Variants in KLHL36 observed in about 807,000 individuals in gnomAD.
KLHL36 encodes kelch like family member 36, also known as kelch-like protein 36.
A neutral mutation model predicts 53.3 loss-of-function variants in KLHL36; 35 were observed. The ratio of observed to expected loss-of-function variants is 0.66; its 90% CI spans 0.50 to 0.87. The LOEUF is 0.87. Ranked by LOEUF, KLHL36 falls within the 40% of genes least tolerant of loss-of-function variation. KLHL36 has a pLI of 0.00. For missense variants in KLHL36, 864 were observed against 897.6 expected, an observed-to-expected ratio of 0.96 and a Z score of 0.48; for synonymous variants, 472 against 398.9, an observed-to-expected ratio of 1.18 and a Z score of -2.18.
Position 84,666,461 on chromosome 16 carries a change from C to G in KLHL36, c.*4328C>G, listed in dbSNP as rs5009530. On this transcript the variant is annotated 3_prime_UTR_variant, in exon 5 of 5. Coordinates refer to ENST00000564996, the MANE Select transcript of KLHL36 (RefSeq NM_024731.4). ...TTTGCCAAGAGGAAACCTTAACCCC[C>G]CTGAGAGGGTCTGCGTTTCTTCTAG... 2 of 152,132 alleles carry G rather than the reference C, an allele frequency of 1.3e-5. No homozygotes were observed. The highest frequency in any genetic ancestry group is 2.9e-5 in the Non-Finnish European group (2 of 68,056). 9.4% of individuals were successfully genotyped at this position (152,132 alleles called of 1,614,324 possible).
rs1907814871 is a variant in KLHL36, at chr16:84,666,022, G to A, written c.*3889G>A. 1 of 152,312 alleles carries A rather than the reference G, an allele frequency of 6.6e-6. No individual in the cohort carries two copies. Among genetic ancestry groups the A allele is most frequent in the South Asian group, 2.1e-4 (1 of 4,824 alleles). 9.4% of individuals were successfully genotyped at this position (152,312 alleles called of 1,614,324 possible). On this transcript the variant is annotated 3_prime_UTR_variant, in exon 5 of 5. Coordinates refer to ENST00000564996, the MANE Select transcript of KLHL36 (RefSeq NM_024731.4). ...CTGCAGATGAGGTTTAGACCTCCTG[G>A]TGTCTCCGTGGATTCTGAGTGCCCA...
chr16:84,651,191 A>G (rs573209704), intron 2 of KLHL36, among the ~76,000 whole-genome samples: 3 of 152,216 alleles, frequency 2.0e-5, no homozygotes, highest in African/African-American at 7.2e-5. Flanking sequence ...TTTTGTGACA[A>G]CTTGACTCAT....
At position 84,661,301 on chromosome 16, in the gene KLHL36, T is replaced by G. The variant is rs1213292865; in HGVS notation, c.1296-277T>G. ...GTGAAAAGGGTGATGGTCCTGTGAT[T>G]ATTCCCATTTCCCAGATGGGGCAAG... is the stretch of plus-strand genomic sequence containing the variant. On this transcript the variant is annotated intron_variant, in intron 4 of 4. Transcript: ENST00000564996. The surrounding 1 kb of genome is among the most constrained non-coding windows in gnomAD (Gnocchi z 7.9). Among the ~76,000 whole-genome samples, 1 of 152,210 alleles carries G rather than the reference T, an allele frequency of 6.6e-6. No individual in the cohort carries two copies. The highest frequency in any genetic ancestry group is 2.4e-5 in the African/African-American group (1 of 41,454).
Position 84,648,873 on chromosome 16 carries a change from C to A in KLHL36, c.-17+224C>A. The stretch of plus-strand genomic sequence containing the variant: ...ACACAGGTGCGGCCTGTGCGGACCG[C>A]CCCGCGCGTGGCAGGTGAGTGGCCC... On this transcript the variant is annotated intron_variant, in intron 1 of 4. Transcript: ENST00000564996. This position sits in a 1 kb window ranked among gnomAD's most constrained non-coding sequence, Gnocchi z 4.9. 1 of 151,700 alleles carries A rather than the reference C, an allele frequency of 6.6e-6. No homozygotes were observed. Among genetic ancestry groups the A allele is most frequent in the South Asian group, 2.1e-4 (1 of 4,832 alleles). 9.4% of individuals were successfully genotyped at this position (151,700 alleles called of 1,614,324 possible).
chr16:84,663,616 AG>A lies in KLHL36; in HGVS notation c.*1484del, dbSNP rs1202121222. The A allele has an allele frequency of 2.0e-5, 3 of 152,282 alleles. No homozygotes were observed. The highest frequency in any genetic ancestry group is 3.4e-3 in the Middle Eastern group (1 of 294). The allele number at this position is 152,282 out of a possible 1,614,324, so 9.4% of individuals were successfully genotyped here. On this transcript the variant is annotated 3_prime_UTR_variant, in exon 5 of 5. Transcript: ENST00000564996. ...GTCTAACACCAGTCTTCCTGCAGACAGTTCCGAGAGCAGGTCTCGATGTCAC... is the reference window on the plus strand; with the variant it reads ...GTCTAACACCAGTCTTCCTGCAGACATTCCGAGAGCAGGTCTCGATGTCAC...
rs2150729880 is a variant in KLHL36 at position 84,662,287 on chromosome 16, A to G, written c.*154A>G. ...GTATTTCTATGATATCACAGTAACC[A>G]ATTAAATACTATCTGTAACTTTACA... On this transcript the variant is annotated 3_prime_UTR_variant, in exon 5 of 5. Coordinates refer to ENST00000564996, the MANE Select transcript of KLHL36 (RefSeq NM_024731.4). The G allele has an allele frequency of 4.3e-6, 3 of 692,998 alleles. No individual in the cohort carries two copies. In the East Asian group the frequency reaches 8.3e-5, roughly 19 times the overall value. The allele number at this position is 692,998 out of a possible 1,614,324, so 42.9% of individuals were successfully genotyped here.
At chr16:84,655,960 A>G (rs1464370162) in intron 2 of KLHL36, among the ~76,000 whole-genome samples, 1 of 150,058 alleles carries the variant, frequency 6.7e-6, no homozygotes, top group Non-Finnish European at 1.5e-5. Context: ...TGGCACAATC[A>G]TGGCTCACTG....
Position 84,657,382 on chromosome 16 carries a change from A to G in KLHL36, c.575A>G (p.Lys192Arg). The G allele has an allele frequency of 1.2e-6, 2 of 1,609,912 alleles. No homozygotes were observed. Among genetic ancestry groups the G allele is most frequent in the Non-Finnish European group, 1.7e-6 (2 of 1,180,002 alleles). The change falls in exon 3 of 5, where the codon AAG becomes AGG. Residue 192 changes from lysine to arginine, a missense_variant. Coordinates refer to ENST00000564996, the MANE Select transcript of KLHL36 (RefSeq NM_024731.4). ...PDFLQNVSMQKLCVYLSSSEV... is the reference protein window; with the variant it reads ...PDFLQNVSMQRLCVYLSSSEV... ...TTCCTGCAGAACGTCTCCATGCAGA[A>G]GCTGTGTGTCTACCTGAGCAGCAGC...
In KLHL36 at chr16:84,661,215, G is replaced by A. The variant is rs897110691; in HGVS notation, c.1296-363G>A. Among the ~76,000 whole-genome samples the A allele has an allele frequency of 1.3e-5, 2 of 152,190 alleles. No individual in the cohort carries two copies. Among genetic ancestry groups the A allele is most frequent in the African/African-American group, 4.8e-5 (2 of 41,448 alleles). On this transcript the variant is annotated intron_variant, in intron 4 of 4. Coordinates refer to ENST00000564996, the MANE Select transcript of KLHL36 (RefSeq NM_024731.4). The surrounding 1 kb of genome is among the most constrained non-coding windows in gnomAD (Gnocchi z 7.9). ...CTGTATGTCGTATTTCCTCTTTGAT[G>A]TGTGATTCATCGGGTGCATGTGTGC...
chr16:84,651,361 G>C (rs563450355), intron 2 of KLHL36, among the ~76,000 whole-genome samples: 1 of 152,092 alleles, frequency 6.6e-6, no homozygotes, highest in South Asian at 2.1e-4. Context: ...GCCTGGAGTC[G>C]TCTTCCCTGG....
In KLHL36 at chr16:84,657,622, G is replaced by A. The variant is rs541455451; in HGVS notation, c.815G>A (p.Arg272His). Residue 272 changes from arginine (R) to histidine (H), a missense_variant, in exon 3 of 5, where the codon CGC becomes CAC. Coordinates refer to ENST00000564996, the MANE Select transcript of KLHL36 (RefSeq NM_024731.4). The stretch of plus-strand genomic sequence containing the variant: ...GAGGGCTTCATCGAGGAGGCCGTGC[G>A]CTACCACAACAACCTGGCGGCCCAG... ...NCEGFIEEAV[R>H]YHNNLAAQPV... The A allele has an allele frequency of 1.9e-5, 31 of 1,611,550 alleles. No homozygotes were observed. The Admixed American group carries it at 2.0e-4, about 10-fold the overall frequency.
chr16:84,658,639 G>C (rs1185842838), intron 3 of KLHL36: 1 of 152,256 alleles, frequency 6.6e-6, no homozygotes, highest in African/African-American at 2.4e-5. Flanking sequence ...AATACGTGGG[G>C]GACAGGGAGT....
intron 3 of KLHL36, 158 bp downstream of exon 3, chr16:84,658,102 A>C (rs2150725860): frequency 3.4e-6 from 2 of 594,404 alleles, no homozygotes; most frequent in Non-Finnish European, 5.6e-6. Context: ...CGGGGCCTAC[A>C]TCCTGGACAG....
chr16:84,659,138 A>T (rs1907395726), intron 3 of KLHL36: 1 of 152,196 alleles, frequency 6.6e-6, no homozygotes, highest in Non-Finnish European at 1.5e-5. Flanking sequence ...AGTAGCTGGA[A>T]TTACAGGCGC....
At chr16:84,651,567 A>G (rs1906882840) in intron 2 of KLHL36, among the ~76,000 whole-genome samples, 1 of 152,208 alleles carries the variant, frequency 6.6e-6, no homozygotes, top group African/African-American at 2.4e-5. Flanking sequence ...AGCCATTGGT[A>G]TGAGGTTCCT....
chr16:84,664,341 G>GT lies in KLHL36; in HGVS notation c.*2209dup, dbSNP rs2150731546. ...TGGGGAGAGCACATAGAAAGACTCTGTGAGTGATTTGGGGAGTGGGATAGC... is the reference window on the plus strand; with the variant it reads ...TGGGGAGAGCACATAGAAAGACTCTGTTGAGTGATTTGGGGAGTGGGATAGC... On this transcript the variant is annotated 3_prime_UTR_variant, in exon 5 of 5. Transcript: ENST00000564996. 1 of 152,338 alleles carries GT rather than the reference G, an allele frequency of 6.6e-6. No individual in the cohort carries two copies. The highest frequency in any genetic ancestry group is 1.9e-4 in the East Asian group (1 of 5,180). 9.4% of individuals were successfully genotyped at this position (152,338 alleles called of 1,614,324 possible). A position where few individuals can be genotyped will look rare whatever the true frequency, so the allele number is the denominator to read the frequency against.
rs578197918 is a variant in KLHL36, at chr16:84,661,495, C to T, written c.1296-83C>T. 3.9e-5 allele frequency: 54 copies of T among 1,371,470 alleles called. No individual in the cohort carries two copies. Among genetic ancestry groups the T allele is most frequent in the Middle Eastern group, 2.7e-4 (1 of 3,746 alleles). The allele number at this position is 1,371,470 out of a possible 1,614,324, so 85.0% of individuals were successfully genotyped here. Reference sequence around the variant, plus strand: ...CTTAAATCCTCATGGCCCTCTAAGACGGCAGGCTGTTCCCCGGCTCGGAGG... The same window carrying T: ...CTTAAATCCTCATGGCCCTCTAAGATGGCAGGCTGTTCCCCGGCTCGGAGG... On this transcript the variant is annotated intron_variant, in intron 4 of 4. Coordinates refer to ENST00000564996, the MANE Select transcript of KLHL36 (RefSeq NM_024731.4). This position sits in a 1 kb window ranked among gnomAD's most constrained non-coding sequence, Gnocchi z 7.9.
rs1371164759 is a variant in KLHL36, at chr16:84,661,542, G to T, written c.1296-36G>T. On this transcript the variant is annotated intron_variant, in intron 4 of 4. Coordinates refer to ENST00000564996, the MANE Select transcript of KLHL36 (RefSeq NM_024731.4). This position sits in a 1 kb window ranked among gnomAD's most constrained non-coding sequence, Gnocchi z 7.9. Reference sequence around the variant, plus strand: ...GAGGGGGTAAGCCTGGCACAGCCCTGAGCTCTCCCTCTGTCTCTGCCCGTC... The same window carrying T: ...GAGGGGGTAAGCCTGGCACAGCCCTTAGCTCTCCCTCTGTCTCTGCCCGTC... 2 of 1,544,142 alleles carry T rather than the reference G, an allele frequency of 1.3e-6. No individual in the cohort carries two copies. Among genetic ancestry groups the T allele is most frequent in the East Asian group, 2.3e-5 (1 of 44,200 alleles).
intron 1 of KLHL36, among the ~76,000 whole-genome samples, chr16:84,649,805 A>G (rs1038951352): frequency 2.0e-5 from 3 of 152,212 alleles, no homozygotes; most frequent in Non-Finnish European, 4.4e-5. Flanking sequence ...AGTGAAGACT[A>G]TTTGTTCAAT....
Sources: gnomAD v4.1 joint callset for allele counts (sites outside exome capture counted in the v4.1 genomes callset) on GRCh38, gnomAD v4.1.1 for gene constraint, Gnocchi (gnomAD v3.1) non-coding constraint, MANE v1.5 for transcripts, NCBI Gene and HGNC (gene_info 2026-07-23, HGNC 2026-07-21) for gene names.